The following BNC2 variants were observed in gnomAD, a reference collection of about 807,000 sequenced individuals.
The protein encoded by BNC2 is zinc finger protein basonuclin-2.
BNC2 carries 20 observed loss-of-function variants against 76.3 expected under a neutral mutation model. The ratio of observed to expected loss-of-function variants is 0.26; its 90% CI spans 0.18 to 0.38. BNC2 has a LOEUF of 0.38. BNC2 is among the 10% of genes least tolerant of loss of function. BNC2 has a pLI of 1.00. For missense variants in BNC2, 1,382 were observed against 1,399.8 expected (o/e 0.99, Z 0.20); for synonymous variants, 582 against 514.8 (o/e 1.13, Z -1.77).
At position 16,412,661 on chromosome 9, in the gene BNC2, GGT is replaced by G. The variant is rs377205832; in HGVS notation, c.*6326_*6327del. The G allele has an allele frequency of 6.5e-4, 98 of 151,178 alleles. No homozygotes were observed. Among genetic ancestry groups the G allele is most frequent in the Middle Eastern group, 3.4e-3 (1 of 292 alleles). 9.4% of individuals were successfully genotyped at this position (151,178 alleles called of 1,614,324 possible). ...CCTTGGGCTTCCCACAGATACAGTA[GGT>G]GTGTGTATGTGCTTGTATGTTAGGA... On this transcript the variant is annotated 3_prime_UTR_variant, in exon 7 of 7. Coordinates refer to ENST00000380672, the MANE Select transcript of BNC2 (RefSeq NM_017637.6).
intron 5 of BNC2, among the ~76,000 whole-genome samples, chr9:16,454,467 A>T (rs1821406365): frequency 1.3e-5 from 2 of 151,994 alleles, no homozygotes; most frequent in African/African-American, 4.8e-5. Flanking sequence ...CACCCAGCTA[A>T]TTTTTTATTT....
chr9:16,489,827 G>A (rs1822237656), intron 5 of BNC2, among the ~76,000 whole-genome samples: 2 of 152,188 alleles, frequency 1.3e-5, no homozygotes, highest in Admixed American at 6.5e-5. Context: ...TCAAAAGAAT[G>A]TTAACAAAAC....
intron 3 of BNC2, among the ~76,000 whole-genome samples, chr9:16,586,179 G>C (rs949871492): frequency 4.4e-4 from 67 of 152,198 alleles, no homozygotes; most frequent in African/African-American, 1.5e-3. Context: ...GTGCCCAGAA[G>C]AGGGTTGGAG....
At chr9:16,522,890 A>G (rs1817662728) in intron 5 of BNC2, among the ~76,000 whole-genome samples, 1 of 152,198 alleles carries the variant, frequency 6.6e-6, no homozygotes, top group South Asian at 2.1e-4. Context: ...AGCTGTCCAG[A>G]AAAGTATAAA....
chr9:16,823,192 CTT>C (rs1818380238), intron 1 of BNC2, among the ~76,000 whole-genome samples: 1 of 152,150 alleles, frequency 6.6e-6, no homozygotes, highest in Non-Finnish European at 1.5e-5. Context: ...AAACAGTACT[CTT>C]ATTAAACTCT....
intron 3 of BNC2, among the ~76,000 whole-genome samples, chr9:16,673,531 C>A (rs1428409213): frequency 6.6e-6 from 1 of 151,786 alleles, no homozygotes; most frequent in Non-Finnish European, 1.5e-5. Context: ...TCTATATACA[C>A]AAGTCCCAGT....
At chr9:16,754,036 G>A (rs1825302513) in intron 1 of BNC2, among the ~76,000 whole-genome samples, 1 of 152,160 alleles carries the variant, frequency 6.6e-6, no homozygotes, top group South Asian at 2.1e-4. Context: ...AGAAGCCTCA[G>A]AGTGCTCGCT....
chr9:16,496,593 T>C (rs1345839097), intron 5 of BNC2, among the ~76,000 whole-genome samples: 2 of 152,230 alleles, frequency 1.3e-5, no homozygotes, highest in Non-Finnish European at 2.9e-5. Flanking sequence ...GGTTTAAATC[T>C]AGGATTCTTA....
intron 1 of BNC2, among the ~76,000 whole-genome samples, chr9:16,801,358 G>C (rs1817773579): frequency 6.6e-6 from 1 of 151,796 alleles, no homozygotes; most frequent in South Asian, 2.1e-4. Flanking sequence ...TGATTCTCCT[G>C]TTTCAGCCTG....
chr9:16,777,922 A>G (rs932880938), intron 1 of BNC2, among the ~76,000 whole-genome samples: 1 of 152,172 alleles, frequency 6.6e-6, no homozygotes, highest in Admixed American at 6.5e-5. Flanking sequence ...AACACTGAAA[A>G]TATCTATACT....
intron 5 of BNC2, among the ~76,000 whole-genome samples, chr9:16,452,414 C>G (rs531193455): frequency 3.4e-4 from 52 of 152,086 alleles, no homozygotes; most frequent in African/African-American, 1.2e-3. Flanking sequence ...AAATAATGAA[C>G]CATTACAATT....
At chr9:16,870,457 G>C (rs374429273) in intron 1 of BNC2, among the ~76,000 whole-genome samples, 189 bp downstream of exon 1, 1 of 151,980 alleles carries the variant, frequency 6.6e-6, no homozygotes, top group Non-Finnish European at 1.5e-5. Flanking sequence ...GAGGCCACTG[G>C]GAGCGCAGCG....
chr9:16,814,846 G>C (rs1328102760), intron 1 of BNC2, among the ~76,000 whole-genome samples: 3 of 152,110 alleles, frequency 2.0e-5, no homozygotes, highest in African/African-American at 7.2e-5. Context: ...TGTCCATTGG[G>C]ATTGACAAGT....
chr9:16,540,692 G>A (rs933619923), intron 5 of BNC2, among the ~76,000 whole-genome samples: 2 of 152,164 alleles, frequency 1.3e-5, no homozygotes, highest in Non-Finnish European at 2.9e-5. Flanking sequence ...GGAGGCTTCA[G>A]TAAGTCGCTC....
In BNC2 at chr9:16,411,412, A is replaced by T. The variant is rs914280482; in HGVS notation, c.*7577T>A. The T allele has an allele frequency of 6.6e-6, 1 of 152,634 alleles. No homozygotes were observed. 9.5% of individuals were successfully genotyped at this position (152,634 alleles called of 1,614,324 possible). On this transcript the variant is annotated 3_prime_UTR_variant, in exon 7 of 7. Transcript: ENST00000380672. Reference sequence around the variant, plus strand: ...TTCCCTTCAAAGATTCTTTTTTAAAAAAGTGAAACAAAGCATTAAAAAAAC... The same window carrying T: ...TTCCCTTCAAAGATTCTTTTTTAAATAAGTGAAACAAAGCATTAAAAAAAC...
chr9:16,678,082 A>G (rs917630381), intron 3 of BNC2, among the ~76,000 whole-genome samples: 1 of 151,864 alleles, frequency 6.6e-6, no homozygotes, highest in Non-Finnish European at 1.5e-5. Context: ...GAATAATGGA[A>G]AGGAAAAGAG....
intron 2 of BNC2, among the ~76,000 whole-genome samples, chr9:16,729,882 C>T (rs1293033945): frequency 6.6e-6 from 1 of 152,110 alleles, no homozygotes; most frequent in Non-Finnish European, 1.5e-5. Context: ...TTGTGGGAGG[C>T]TTAAGGACAC....
intron 1 of BNC2, among the ~76,000 whole-genome samples, chr9:16,748,265 G>A (rs1427105117): frequency 2.6e-5 from 4 of 152,164 alleles, no homozygotes; most frequent in Non-Finnish European, 5.9e-5. Flanking sequence ...TGTAATCCCA[G>A]CACTTTGGGA....
chr9:16,554,263 T>C (rs1294742528), intron 4 of BNC2, among the ~76,000 whole-genome samples: 2 of 152,202 alleles, frequency 1.3e-5, no homozygotes, highest in Admixed American at 6.5e-5. Flanking sequence ...TGCACACAGA[T>C]TTTTTAGTAT....
Sources: gnomAD v4.1 joint callset for allele counts (sites outside exome capture counted in the v4.1 genomes callset) on GRCh38, gnomAD v4.1.1 for gene constraint, MANE v1.5 for transcripts, NCBI Gene and HGNC (gene_info 2026-07-23, HGNC 2026-07-21) for gene names.